Variants in ACADS observed in about 807,000 individuals in gnomAD.
ACADS encodes short-chain specific acyl-CoA dehydrogenase, mitochondrial.
ACADS carries 28 observed loss-of-function variants against 46.8 expected under a neutral mutation model. The ratio of observed to expected loss-of-function variants is 0.60; its 90% CI spans 0.44 to 0.82. The LOEUF (loss-of-function observed/expected upper bound fraction) is 0.82, where lower values mean the gene tolerates loss of function less well. Ranked by LOEUF, ACADS falls within the 40% of genes least tolerant of loss-of-function variation. The pLI is 0.00. For synonymous variants in ACADS, 236 were observed against 237.7 expected (o/e 0.99, Z 0.07); for missense variants, 528 against 578.0 (o/e 0.91, Z 0.89).
intron 2 of ACADS, among the ~76,000 whole-genome samples, chr12:120,730,424 T>C (rs1883215186): frequency 6.6e-6 from 1 of 152,176 alleles, no homozygotes; most frequent in Non-Finnish European, 1.5e-5. Context: ...TCTAGCTCAT[T>C]GAGAAGTGTC....
At chr12:120,735,961 G>A (rs372193847) in intron 2 of ACADS, among the ~76,000 whole-genome samples, 7 of 149,822 alleles carry the variant, frequency 4.7e-5, no homozygotes, top group Non-Finnish European at 7.4e-5. Flanking sequence ...TGTATAAAAG[G>A]GCTCGTGAAA....
Position 120,735,355 on chromosome 12 carries a change from A to AC in ACADS, c.211-1631_211-1630insC, listed in dbSNP as rs201519676. ...GTCACTGTGCGCAGTCCTTAAAAAA[A>AC]AAAAAAAAAAAAAAAAAAACAACTT... On this transcript the variant is annotated intron_variant, in intron 2 of 9. Transcript: ENST00000242592. Among the ~76,000 whole-genome samples, 2,556 of 148,160 alleles carry AC rather than the reference A, an allele frequency of 0.017. 254 individuals are homozygous for AC. In the East Asian group the frequency reaches 0.26, roughly 15 times the overall value.
Position 120,738,266 on chromosome 12 carries a change from G to T in ACADS, c.625-14G>T, listed in dbSNP as rs758898870. Reference sequence around the variant, plus strand: ...AGGGGCAGCTCTGAGAAAACCACCCGCCTCTCCTTTCAGGGCATCAGTGCC... The same window carrying T: ...AGGGGCAGCTCTGAGAAAACCACCCTCCTCTCCTTTCAGGGCATCAGTGCC... On this transcript the variant is annotated splice_polypyrimidine_tract_variant and intron_variant, in intron 5 of 9. Transcript: ENST00000242592. The T allele has an allele frequency of 3.1e-6, 5 of 1,613,986 alleles. No individual in the cohort carries two copies.
chr12:120,736,459 C>A lies in ACADS; in HGVS notation c.211-527C>A, dbSNP rs78204585. On this transcript the variant is annotated intron_variant, in intron 2 of 9. Transcript: ENST00000242592. ...GTTCATCCCTGAGAAATTCCAGCCG[C>A]AGAAGTGCTGCAGGAGAGGGACTGA... is the stretch of plus-strand genomic sequence containing the variant. Among the ~76,000 whole-genome samples the A allele has an allele frequency of 3.1e-3, 476 of 152,300 alleles. 3 individuals carry two copies. The highest frequency in any genetic ancestry group is 4.9e-3 in the Non-Finnish European group (331 of 68,020).
Position 120,738,351 on chromosome 12 carries a change from C to T in ACADS, c.696C>T (p.Gly232=). The part of the protein sequence containing the change: ...LTLGKKEDKL[G]IRGSSTANLI... ...TGGGGAAGAAAGAAGACAAGCTGGG[C>T]ATCCGGGGCTCATCCACGGCCAACC... is the stretch of plus-strand genomic sequence containing the variant. The change falls in exon 6 of 10, where the codon GGC becomes GGT. Residue 232 remains glycine, a synonymous_variant. Coordinates refer to ENST00000242592, the MANE Select transcript of ACADS (RefSeq NM_000017.4). The T allele has an allele frequency of 6.2e-7, 1 of 1,614,234 alleles. No individual in the cohort carries two copies. Among genetic ancestry groups the T allele is most frequent in the Non-Finnish European group, 8.5e-7 (1 of 1,180,048 alleles).
chr12:120,734,045 C>T (rs577893447), intron 2 of ACADS, among the ~76,000 whole-genome samples: 9 of 152,066 alleles, frequency 5.9e-5, no homozygotes, highest in Admixed American at 2.0e-4. Context: ...TTCTAGAGGC[C>T]GCCTGCATTC....
At chr12:120,733,950 TG>T (rs374120997) in intron 2 of ACADS, among the ~76,000 whole-genome samples, 13 of 151,956 alleles carry the variant, frequency 8.6e-5, no homozygotes, top group African/African-American at 3.1e-4. Context: ...GCATCCAGTG[TG>T]GGTCCCACAG....
In ACADS at chr12:120,727,045, G is replaced by C; in HGVS notation, c.66G>C (p.Trp22Cys). ...CGGCAGCTCTCTGTCCTAGGGCCTG[G>C]CGGCAGTTACACACCATCTACCAGT... ...PARRALCPRA[W>C]RQLHTIYQSV... The change falls in exon 2 of 10, where the codon TGG becomes TGC. Residue 22 changes from tryptophan to cysteine, a missense_variant. Coordinates refer to ENST00000242592, the MANE Select transcript of ACADS (RefSeq NM_000017.4). The C allele has an allele frequency of 4.3e-6, 7 of 1,614,188 alleles. No homozygotes were observed. Among genetic ancestry groups the C allele is most frequent in the Non-Finnish European group, 5.9e-6 (7 of 1,180,028 alleles).
At position 120,737,014 on chromosome 12, in the gene ACADS, TG is replaced by T; in HGVS notation, c.241del (p.Ala81ProfsTer36). ...AAGAAGATGGGCGGGCTTGGGCTTCTGGCCATGGACGTGCCCGAGGAGCTTG... is the reference window on the plus strand; with the variant it reads ...AAGAAGATGGGCGGGCTTGGGCTTCTGCCATGGACGTGCCCGAGGAGCTTG... ...QVKKMGGLGL[L>X]AMDVPEELGG... On this transcript the variant is annotated frameshift_variant, in exon 3 of 10. Transcript: ENST00000242592. LOFTEE classifies it high-confidence loss of function. The T allele has an allele frequency of 6.2e-7, 1 of 1,610,732 alleles. No homozygotes were observed. The highest frequency in any genetic ancestry group is 1.1e-5 in the South Asian group (1 of 90,154).
At chr12:120,730,590 A>G (rs1033704959) in intron 2 of ACADS, among the ~76,000 whole-genome samples, 2 of 152,040 alleles carry the variant, frequency 1.3e-5, no homozygotes, top group African/African-American at 2.4e-5. Flanking sequence ...TCATTCTGCT[A>G]CCTGTCGGGA....
Position 120,737,631 on chromosome 12 carries a change from C to G in ACADS, c.472+164C>G, listed in dbSNP as rs1883499519. On this transcript the variant is annotated intron_variant, in intron 4 of 9. Transcript: ENST00000242592. ...CACCGCGGCGCTGGGAGGAAGATTG[C>G]CTTCGGGGTCCCCTGGTTTAAGACG... 4 of 1,037,366 alleles carry G rather than the reference C, an allele frequency of 3.9e-6. No homozygotes were observed. In the East Asian group the frequency reaches 1.0e-4, roughly 27 times the overall value. The allele number at this position is 1,037,366 out of a possible 1,614,324, so 64.3% of individuals were successfully genotyped here. A position where few individuals can be genotyped will look rare whatever the true frequency, so the allele number is the denominator to read the frequency against.
chr12:120,726,111 T>A (rs572065179), intron 1 of ACADS, among the ~76,000 whole-genome samples, 180 bp downstream of exon 1: 10 of 150,466 alleles, frequency 6.6e-5, no homozygotes, highest in African/African-American at 2.2e-4. Context: ...CCTTCAGGCG[T>A]CCCTGGTTCC....
chr12:120,725,882 GC>G lies in ACADS; in HGVS notation c.-1del. The G allele has an allele frequency of 6.4e-7, 1 of 1,550,686 alleles. No homozygotes were observed. The stretch of plus-strand genomic sequence containing the variant: ...CGCGAAGCCTGGGACTGTGTCTGTC[GC>G]CCATGGCCGCCGCGCTGCTCGCCCG... On this transcript the variant is annotated 5_prime_UTR_variant, in exon 1 of 10. Coordinates refer to ENST00000242592, the MANE Select transcript of ACADS (RefSeq NM_000017.4).
intron 2 of ACADS, among the ~76,000 whole-genome samples, chr12:120,733,031 C>T (rs1566025387): frequency 2.0e-5 from 3 of 147,058 alleles, no homozygotes; most frequent in South Asian, 4.3e-4. Flanking sequence ...ACCAGCCTGG[C>T]CAACACAGCG....
chr12:120,726,150 C>G (rs1162407681), intron 1 of ACADS, among the ~76,000 whole-genome samples: 1 of 151,438 alleles, frequency 6.6e-6, no homozygotes. Flanking sequence ...CCGATTGACC[C>G]CAGCCACCAG....
Position 120,739,174 on chromosome 12 carries a change from C to T in ACADS, c.1064C>T (p.Ala355Val), listed in dbSNP as rs770439736. 6.2e-7 allele frequency: 1 copy of T among 1,613,028 alleles called. No homozygotes were observed. The highest frequency in any genetic ancestry group is 8.5e-7 in the Non-Finnish European group (1 of 1,179,996). ...AAMAKLAASE[A>V]ATAISHQAIQ... The stretch of plus-strand genomic sequence containing the variant: ...ATGGCCAAGCTGGCCGCCTCGGAGG[C>T]CGCGACCGCCATCAGCCACCAGGTG... The change falls in exon 9 of 10, where the codon GCC becomes GTC. Residue 355 changes from alanine to valine, a missense_variant. By Grantham distance (64) the Ala-to-Val change is moderately conservative. Transcript: ENST00000242592.
chr12:120,733,791 G>C (rs1370141391), intron 2 of ACADS, among the ~76,000 whole-genome samples: 1 of 143,630 alleles, frequency 7.0e-6, no homozygotes, highest in Non-Finnish European at 1.5e-5. Context: ...AAGCAATACA[G>C]ATATATTCTC....
chr12:120,736,968 G>A lies in ACADS; in HGVS notation c.211-18G>A, dbSNP rs201747310. On this transcript the variant is annotated intron_variant, in intron 2 of 9. Transcript: ENST00000242592. ...CCCCGGCAGCTGCCCATGGCGTGCC[G>A]TCCTTCCCTGTGCCCAGGTGAAGAA... is the stretch of plus-strand genomic sequence containing the variant. 3.2e-5 allele frequency: 51 copies of A among 1,594,500 alleles called. No individual in the cohort carries two copies. The African/African-American group carries it at 5.3e-4, about 17-fold the overall frequency.
chr12:120,734,244 G>A (rs1251639394), intron 2 of ACADS, among the ~76,000 whole-genome samples: 1 of 152,182 alleles, frequency 6.6e-6, no homozygotes, highest in Non-Finnish European at 1.5e-5. Context: ...ACATACTCCT[G>A]GGACCTGGGA....
Sources: allele counts gnomAD v4.1 joint callset (sites outside exome capture counted in the v4.1 genomes callset), GRCh38; gene constraint gnomAD v4.1.1; transcripts MANE v1.5; gene names NCBI Gene and HGNC (gene_info 2026-07-23, HGNC 2026-07-21).